The following CETN3 variants were observed in gnomAD, a reference collection of about 807,000 sequenced individuals.
The protein encoded by CETN3 is centrin-3.
A neutral mutation model predicts 20.1 loss-of-function variants in CETN3; 17 were observed. The ratio of observed to expected loss-of-function variants is 0.85; its 90% CI spans 0.58 to 1.27. The LOEUF is 1.27. Among genes scored for constraint, CETN3 ranks in the 50% most tolerant of loss-of-function variants. The pLI is 0.00. For missense variants in CETN3, 169 were observed against 191.2 expected (o/e 0.88, Z 0.69); for synonymous variants, 52 against 59.7 (o/e 0.87, Z 0.59).
chr5:90,398,759 A>C (rs1176876484), intron 4 of CETN3, among the ~76,000 whole-genome samples: 2 of 152,230 alleles, frequency 1.3e-5, no homozygotes, highest in Non-Finnish European at 2.9e-5. Flanking sequence ...TGGCATTATC[A>C]AATGTATATT....
At chr5:90,405,081 T>C (rs1749400440) in intron 3 of CETN3, among the ~76,000 whole-genome samples, 1 of 152,188 alleles carries the variant, frequency 6.6e-6, no homozygotes, top group Non-Finnish European at 1.5e-5. Flanking sequence ...CAGTTGGTGG[T>C]ACTAGGATGT....
chr5:90,401,733 C>T (rs1199054862), intron 3 of CETN3, among the ~76,000 whole-genome samples: 1 of 152,166 alleles, frequency 6.6e-6, no homozygotes, highest in Admixed American at 6.5e-5. Flanking sequence ...CTCCCCTACC[C>T]CAACCAAAAG....
rs538872296 is a variant in CETN3 at position 90,395,297 on chromosome 5, G to A, written c.461-1190C>T. Among the ~76,000 whole-genome samples, 17 of 152,142 alleles carry A rather than the reference G, an allele frequency of 1.1e-4. No homozygotes were observed. In the East Asian group the frequency reaches 1.2e-3, roughly 10 times the overall value. On this transcript the variant is annotated intron_variant, in intron 4 of 4. Transcript: ENST00000283122. The stretch of plus-strand genomic sequence containing the variant: ...TCCTATTCTGGAATACATTAAAACC[G>A]AAATGAGAAAGATATTATATGATAT...
chr5:90,404,965 C>T (rs529057145), intron 3 of CETN3, among the ~76,000 whole-genome samples: 9 of 151,970 alleles, frequency 5.9e-5, no homozygotes, highest in African/African-American at 1.9e-4. Context: ...CCTTGCCTTC[C>T]GGACTCTTCT....
At position 90,398,003 on chromosome 5, in the gene CETN3, C is replaced by T. The variant is rs1426296118; in HGVS notation, c.460+1355G>A. On this transcript the variant is annotated intron_variant, in intron 4 of 4. Coordinates refer to ENST00000283122, the MANE Select transcript of CETN3 (RefSeq NM_004365.4). ...GATTATCCATTCTGGCTTTTCAAAACGTTCCTTTCATTTTTTCCAAAAGAT... is the reference window on the plus strand; with the variant it reads ...GATTATCCATTCTGGCTTTTCAAAATGTTCCTTTCATTTTTTCCAAAAGAT... 3.3e-5 allele frequency among the ~76,000 whole-genome samples: 5 copies of T among 151,874 alleles called. No individual in the cohort carries two copies. In the East Asian group the frequency reaches 5.8e-4, roughly 18 times the overall value.
At chr5:90,409,211 G>C (rs1720326255) in intron 1 of CETN3, among the ~76,000 whole-genome samples, 1 of 152,174 alleles carries the variant, frequency 6.6e-6, no homozygotes, top group South Asian at 2.1e-4. Context: ...CCTGGGAGAA[G>C]AGGAAAGAGT....
Position 90,393,193 on chromosome 5 carries a change from C to T in CETN3, c.*871G>A, listed in dbSNP as rs894436589. On this transcript the variant is annotated 3_prime_UTR_variant, in exon 5 of 5. Transcript: ENST00000283122. ...CTACTATTTCCTGGTGAATCACAGACTGTTCCTTCATATAGGTAAAACATA... is the reference window on the plus strand; with the variant it reads ...CTACTATTTCCTGGTGAATCACAGATTGTTCCTTCATATAGGTAAAACATA... 2.0e-5 allele frequency: 3 copies of T among 152,296 alleles called. No individual in the cohort carries two copies. The East Asian group carries it at 5.8e-4, about 29-fold the overall frequency. 9.4% of individuals were successfully genotyped at this position (152,296 alleles called of 1,614,324 possible).
rs1561404585 is a variant in CETN3, at chr5:90,392,878, T to C, written c.*1186A>G. 6.6e-6 allele frequency: 1 copy of C among 152,204 alleles called. No homozygotes were observed. The highest frequency in any genetic ancestry group is 2.4e-5 in the African/African-American group (1 of 41,434). The allele number at this position is 152,204 out of a possible 1,614,324, so 9.4% of individuals were successfully genotyped here. On this transcript the variant is annotated 3_prime_UTR_variant, in exon 5 of 5. Transcript: ENST00000283122. ...TACTGATTTTGTGTTAAATTTCTAG[T>C]GGACAACCCTTAATGTAATACTCTT...
chr5:90,395,094 C>T (rs1749107115), intron 4 of CETN3, among the ~76,000 whole-genome samples: 1 of 152,126 alleles, frequency 6.6e-6, no homozygotes, highest in Non-Finnish European at 1.5e-5. Context: ...AGCTCTGCAT[C>T]TCATTTCCTT....
Position 90,399,442 on chromosome 5 carries a change from C to T in CETN3, c.376G>A (p.Val126Ile). Residue 126 changes from valine to isoleucine, a missense_variant, in exon 4 of 5, where the codon GTT (valine) becomes ATT (isoleucine). By Grantham distance (29) the Val-to-Ile change is conservative. Coordinates refer to ENST00000283122, the MANE Select transcript of CETN3 (RefSeq NM_004365.4). ...GKISLRNLRR[V>I]ARELGENMSD... ...ATGTTTTCACCCAATTCTCTAGCAA[C>T]ACGTCGCAAATTCCTCAAGCTTATT... The T allele has an allele frequency of 6.2e-7, 1 of 1,614,024 alleles. No homozygotes were observed. The highest frequency in any genetic ancestry group is 8.5e-7 in the Non-Finnish European group (1 of 1,179,956).
chr5:90,393,429 A>G lies in CETN3; in HGVS notation c.*635T>C, dbSNP rs1749063681. 1 of 152,214 alleles carries G rather than the reference A, an allele frequency of 6.6e-6. No individual in the cohort carries two copies. The highest frequency in any genetic ancestry group is 1.5e-5 in the Non-Finnish European group (1 of 68,028). 9.4% of individuals were successfully genotyped at this position (152,214 alleles called of 1,614,324 possible). On this transcript the variant is annotated 3_prime_UTR_variant, in exon 5 of 5. Coordinates refer to ENST00000283122, the MANE Select transcript of CETN3 (RefSeq NM_004365.4). Reference sequence around the variant, plus strand: ...TTACAATGATACCAAGTTAAGAAACATAATACACAAGGATAAATGGGTCTA... The same window carrying G: ...TTACAATGATACCAAGTTAAGAAACGTAATACACAAGGATAAATGGGTCTA...
At chr5:90,403,801 G>T (rs2151883489) in intron 3 of CETN3, among the ~76,000 whole-genome samples, 1 of 146,892 alleles carries the variant, frequency 6.8e-6, no homozygotes, top group East Asian at 2.0e-4. Context: ...AACCCGGGAG[G>T]CGGAGCTTGC....
At chr5:90,402,688 T>C (rs764266809) in intron 3 of CETN3, among the ~76,000 whole-genome samples, 8 of 152,190 alleles carry the variant, frequency 5.3e-5, no homozygotes, top group Non-Finnish European at 1.0e-4. Flanking sequence ...CACTCTGCCA[T>C]AGTAGCACAA....
Position 90,393,191 on chromosome 5 carries a change from G to A in CETN3, c.*873C>T, listed in dbSNP as rs1283728169. 6.6e-6 allele frequency: 1 copy of A among 152,160 alleles called. No individual in the cohort carries two copies. The highest frequency in any genetic ancestry group is 1.5e-5 in the Non-Finnish European group (1 of 68,028). The allele number at this position is 152,160 out of a possible 1,614,324, so 9.4% of individuals were successfully genotyped here. ...CTCTACTATTTCCTGGTGAATCACA[G>A]ACTGTTCCTTCATATAGGTAAAACA... On this transcript the variant is annotated 3_prime_UTR_variant, in exon 5 of 5. Transcript: ENST00000283122.
intron 3 of CETN3, among the ~76,000 whole-genome samples, chr5:90,405,194 A>G (rs1561408334): frequency 6.6e-6 from 1 of 152,136 alleles, no homozygotes; most frequent in Non-Finnish European, 1.5e-5. Flanking sequence ...GTAGCCTCTC[A>G]TAAACTTTGT....
chr5:90,409,559 G>A, intron 1 of CETN3, 86 bp downstream of exon 1: 2 of 1,514,246 alleles, frequency 1.3e-6, no homozygotes, highest in Non-Finnish European at 1.8e-6. Context: ...GCCTCGCCTC[G>A]GCCCCAAACG....
chr5:90,393,809 A>T lies in CETN3; in HGVS notation c.*255T>A, dbSNP rs1749073582. On this transcript the variant is annotated 3_prime_UTR_variant, in exon 5 of 5. Transcript: ENST00000283122. The stretch of plus-strand genomic sequence containing the variant: ...ATGTTAAATTAAAAAACCTTCAAAG[A>T]ACACATATCACACATTCAATTTTTA... The T allele has an allele frequency of 3.7e-6, 1 of 272,218 alleles. No individual in the cohort carries two copies. Among genetic ancestry groups the T allele is most frequent in the Non-Finnish European group, 6.8e-6 (1 of 146,876 alleles). 16.9% of individuals were successfully genotyped at this position (272,218 alleles called of 1,614,324 possible).
intron 3 of CETN3, among the ~76,000 whole-genome samples, chr5:90,402,060 C>A (rs1406545804): frequency 6.6e-6 from 1 of 152,062 alleles, no homozygotes; most frequent in East Asian, 1.9e-4. Context: ...CTTTGTTGCC[C>A]CAGCTGGTCT....
intron 4 of CETN3, chr5:90,396,254 A>G: frequency 1.0e-6 from 1 of 985,214 alleles, no homozygotes; most frequent in Non-Finnish European, 1.2e-6. Flanking sequence ...GGAACTATGA[A>G]GCCATGCAAT....
Sources: allele counts gnomAD v4.1 joint callset (sites outside exome capture counted in the v4.1 genomes callset), GRCh38; gene constraint gnomAD v4.1.1; transcripts MANE v1.5; gene names NCBI Gene and HGNC (gene_info 2026-07-23, HGNC 2026-07-21).